The following CRTAC1 variants were observed in gnomAD, a reference collection of about 807,000 sequenced individuals.
CRTAC1 encodes the protein acidic secreted protein in cartilage.
A neutral mutation model predicts 67.8 loss-of-function variants in CRTAC1; 37 were observed. The observed-to-expected ratio is 0.55, with a 90% CI of 0.42 to 0.72. CRTAC1 has a LOEUF of 0.72. Ranked by LOEUF, CRTAC1 falls within the 30% of genes least tolerant of loss-of-function variation. The pLI, the probability that CRTAC1 is intolerant of heterozygous loss-of-function variation, is 0.00. For missense variants in CRTAC1, 780 were observed against 931.6 expected (o/e 0.84, Z 2.12); for synonymous variants, 348 against 371.0 (o/e 0.94, Z 0.71).
At chr10:98,005,191 C>T (rs1842767413) in intron 2 of CRTAC1, among the ~76,000 whole-genome samples, 1 of 144,752 alleles carries the variant, frequency 6.9e-6, no homozygotes, top group African/African-American at 2.6e-5. Flanking sequence ...TGCAATCTCC[C>T]CCTCCCGAGT....
At chr10:97,879,565 A>T (rs1372586432) in intron 14 of CRTAC1, 14 of 1,301,958 alleles carry the variant, frequency 1.1e-5, no homozygotes, top group Non-Finnish European at 1.2e-5. Flanking sequence ...TTGTCCATTC[A>T]GAGGGAGCAC....
chr10:98,013,144 T>C (rs1392231467), intron 1 of CRTAC1, among the ~76,000 whole-genome samples: 1 of 152,182 alleles, frequency 6.6e-6, no homozygotes, highest in Non-Finnish European at 1.5e-5. Flanking sequence ...TCTATTGTAG[T>C]GAATGGCAAA....
chr10:97,915,893 C>T (rs2050752530), intron 5 of CRTAC1, among the ~76,000 whole-genome samples: 1 of 152,150 alleles, frequency 6.6e-6, no homozygotes, highest in Non-Finnish European at 1.5e-5. Context: ...ACCAAAGCTG[C>T]TGCTTCTTCC....
chr10:97,972,522 C>T (rs903656594), intron 2 of CRTAC1, among the ~76,000 whole-genome samples: 1 of 152,164 alleles, frequency 6.6e-6, no homozygotes, highest in African/African-American at 2.4e-5. Flanking sequence ...TAAACCTGTA[C>T]TCGAAATGGA....
intron 1 of CRTAC1, among the ~76,000 whole-genome samples, chr10:98,022,707 C>T (rs1055871112): frequency 2.0e-5 from 3 of 152,134 alleles, no homozygotes; most frequent in South Asian, 4.2e-4. Flanking sequence ...TGCTATGCCA[C>T]GGTAAGGAGC....
intron 13 of CRTAC1, among the ~76,000 whole-genome samples, chr10:97,882,165 C>T (rs1280328034): frequency 6.6e-6 from 1 of 152,192 alleles, no homozygotes; most frequent in Non-Finnish European, 1.5e-5. Context: ...CTTGGCCTGA[C>T]CCCTCCTTGC....
rs10586431 is a variant in CRTAC1, at chr10:97,918,795, GT to G, written c.559-1140del. Among the ~76,000 whole-genome samples the G allele has an allele frequency of 3.3e-3, 481 of 146,722 alleles. 5 individuals carry two copies. Among genetic ancestry groups the G allele is most frequent in the African/African-American group, 0.01 (411 of 39,662 alleles). ...CTTTGTGGGTTTTTTGGTGTTTTTT[GT>G]TTTTTTTTTTTGGGTCTCACTCTGT... On this transcript the variant is annotated intron_variant, in intron 4 of 14. Transcript: ENST00000370597.
At chr10:97,957,864 G>GAAAC (rs1224567569) in intron 2 of CRTAC1, among the ~76,000 whole-genome samples, 3 of 152,140 alleles carry the variant, frequency 2.0e-5, no homozygotes, top group Non-Finnish European at 4.4e-5. Flanking sequence ...GAGGGGCTTG[G>GAAAC]AAACAGGAAA....
intron 5 of CRTAC1, among the ~76,000 whole-genome samples, chr10:97,916,995 A>C (rs1265465920): frequency 6.6e-6 from 1 of 152,218 alleles, no homozygotes; most frequent in Non-Finnish European, 1.5e-5. Flanking sequence ...ACAAGAACTC[A>C]ATTCTTTGAG....
chr10:97,985,489 T>C (rs138159330), intron 2 of CRTAC1, among the ~76,000 whole-genome samples: 114 of 152,110 alleles, frequency 7.5e-4, no homozygotes, highest in Admixed American at 1.3e-3. Context: ...AGCTTCGTTC[T>C]TCTCCTTGTC....
At chr10:97,940,906 C>T (rs1254768672) in intron 2 of CRTAC1, among the ~76,000 whole-genome samples, 1 of 152,194 alleles carries the variant, frequency 6.6e-6, no homozygotes, top group East Asian at 1.9e-4. Flanking sequence ...CTCTGGTGAT[C>T]ATGTTGATAT....
chr10:97,962,650 T>C (rs2051544984), intron 2 of CRTAC1, among the ~76,000 whole-genome samples: 1 of 152,122 alleles, frequency 6.6e-6, no homozygotes, highest in Admixed American at 6.5e-5. Flanking sequence ...ATGAGGTTCT[T>C]ATAGGTGGGG....
At chr10:97,962,396 T>C (rs1382946822) in intron 2 of CRTAC1, among the ~76,000 whole-genome samples, 1 of 152,240 alleles carries the variant, frequency 6.6e-6, no homozygotes, top group East Asian at 1.9e-4. Flanking sequence ...CACCGTTTAG[T>C]GCACACACAG....
intron 3 of CRTAC1, among the ~76,000 whole-genome samples, chr10:97,924,769 C>T (rs548311050): frequency 1.4e-3 from 210 of 152,340 alleles, no homozygotes; most frequent in Non-Finnish European, 2.4e-3. Context: ...AGATGAACTA[C>T]TTTCCAAGGT....
rs59586629 is a variant in CRTAC1 at position 97,933,189 on chromosome 10, C to T, written c.421+2981G>A. 3.4e-3 allele frequency among the ~76,000 whole-genome samples: 519 copies of T among 152,370 alleles called. 3 individuals carry two copies. The highest frequency in any genetic ancestry group is 0.012 in the African/African-American group (498 of 41,582). Reference sequence around the variant, plus strand: ...GGCACAATGTCCCTGCTCCACACCCCGCCCACTGTCGATTAACCAATGGGA... The same window carrying T: ...GGCACAATGTCCCTGCTCCACACCCTGCCCACTGTCGATTAACCAATGGGA... On this transcript the variant is annotated intron_variant, in intron 3 of 14. Transcript: ENST00000370597.
chr10:97,923,078 C>A (rs1454531544), intron 4 of CRTAC1, among the ~76,000 whole-genome samples, 186 bp downstream of exon 4: 1 of 152,132 alleles, frequency 6.6e-6, no homozygotes, highest in Admixed American at 6.5e-5. Context: ...GGGAGGGCTG[C>A]ATGGGAGACA....
chr10:97,990,115 T>C (rs532527025), intron 2 of CRTAC1, among the ~76,000 whole-genome samples: 1 of 152,374 alleles, frequency 6.6e-6, no homozygotes, highest in African/African-American at 2.4e-5. Context: ...TAATGGTAGC[T>C]GTACTAGCAT....
intron 2 of CRTAC1, among the ~76,000 whole-genome samples, chr10:97,994,531 G>T (rs946672439): frequency 6.6e-6 from 1 of 152,194 alleles, no homozygotes; most frequent in African/African-American, 2.4e-5. Flanking sequence ...AGCTTCAGGG[G>T]ACGCATAGAT....
At chr10:97,933,926 G>A (rs1374079592) in intron 3 of CRTAC1, among the ~76,000 whole-genome samples, 1 of 152,142 alleles carries the variant, frequency 6.6e-6, no homozygotes. Flanking sequence ...AGCTTAGCTG[G>A]GATTGTTGAA....
Sources: gnomAD v4.1 joint callset for allele counts (sites outside exome capture counted in the v4.1 genomes callset) on GRCh38, gnomAD v4.1.1 for gene constraint, MANE v1.5 for transcripts, NCBI Gene and HGNC (gene_info 2026-07-23, HGNC 2026-07-21) for gene names.